Variants in TRMT2B observed in about 807,000 individuals in gnomAD.
The protein encoded by TRMT2B is tRNA (uracil-5-)-methyltransferase homolog B.
Under a neutral mutation model 39.7 loss-of-function variants are expected in TRMT2B, and 34 were observed. The ratio of observed to expected loss-of-function variants is 0.86; its 90% confidence interval spans 0.65 to 1.14. The LOEUF (loss-of-function observed/expected upper bound fraction) is 1.14, where lower values mean the gene tolerates loss of function less well. TRMT2B is among the 50% of genes most tolerant of loss of function. TRMT2B has a pLI of 0.00. For missense variants in TRMT2B, 318 were observed against 377.2 expected (o/e 0.84, Z 1.30); for synonymous variants, 132 against 137.3 (o/e 0.96, Z 0.27).
At position 101,027,236 on chromosome X, in the gene TRMT2B, C is replaced by CT. The variant is rs771559223; in HGVS notation, c.610-3621dup. On this transcript the variant is annotated intron_variant, in intron 7 of 13. Transcript: ENST00000372936. ...AGGGAAACCTTACTCCAGTTTCTTT[C>CT]TTTTTTTTTTTTTTGAGATGGAGTC... Among the ~76,000 whole-genome samples the CT allele has an allele frequency of 1.8e-3, 185 of 100,361 alleles. 2 individuals are homozygous for CT. The highest frequency in any genetic ancestry group is 5.0e-3 in the Middle Eastern group (1 of 199). 87.2% of individuals were successfully genotyped at this position (100,361 alleles called of 115,157 possible). A position where few individuals can be genotyped will look rare whatever the true frequency, so the allele number is the denominator to read the frequency against.
intron 2 of TRMT2B, 104 bp from the exon 3 acceptor site, chrX:101,042,416 G>T: frequency 1.1e-6 from 1 of 879,906 alleles, no homozygotes; most frequent in Non-Finnish European, 1.6e-6. Flanking sequence ...CTAGCAGAAT[G>T]CTGGCACACA....
At chrX:100,988,057 C>A in the TRMT2B span, 1 of 472,470 alleles carries the variant, frequency 2.1e-6, no homozygotes, top group Non-Finnish European at 3.6e-6. Context: ...GAGCAAAAGG[C>A]CTAAACATCC....
chrX:100,987,106 C>A, the TRMT2B span, among the ~76,000 whole-genome samples: 1 of 111,981 alleles, frequency 8.9e-6, no homozygotes, highest in Non-Finnish European at 1.9e-5. Context: ...ACATGAATAT[C>A]CCCATTTTAT....
chrX:101,023,563 A>G lies in TRMT2B; in HGVS notation c.663T>C (p.His221=), dbSNP rs149257116. Residue 221 remains histidine (H), a synonymous_variant, in exon 8 of 14, where the codon CAT becomes CAC. Coordinates refer to ENST00000372936, the MANE Select transcript of TRMT2B (RefSeq NM_024917.6). ...TGAGCTCACGCCAGTATCCACCTTC[A>G]TGAAATACAAGGCAGGGCTCCAATG... ...QSPLEPCLVF[H]EGGYWRELTV... is the part of the protein sequence containing the mutation. The G allele has an allele frequency of 3.8e-5, 46 of 1,209,038 alleles. No homozygotes were observed. Among genetic ancestry groups the G allele is most frequent in the Non-Finnish European group, 5.0e-5 (45 of 894,370 alleles).
At chrX:101,027,061 C>T (rs938991782) in intron 7 of TRMT2B, among the ~76,000 whole-genome samples, 1 of 110,778 alleles carries the variant, frequency 9.0e-6, no homozygotes. Flanking sequence ...CACTACTCCG[C>T]GAAAACAGTA....
At chrX:100,998,533 C>G in the TRMT2B span, among the ~76,000 whole-genome samples, 2 of 76,453 alleles carry the variant, frequency 2.6e-5, no homozygotes, top group Non-Finnish European at 4.6e-5. Context: ...CCAGCCTGGG[C>G]GACAGAGCGA....
In TRMT2B at chrX:101,035,675, C is replaced by T. The variant is rs149317180; in HGVS notation, c.547G>A (p.Val183Ile). 8 of 1,203,670 alleles carry T rather than the reference C, an allele frequency of 6.6e-6. No individual in the cohort carries two copies. The highest frequency in any genetic ancestry group is 6.6e-5 in the Admixed American group (3 of 45,644). ...FYLGTWRDGN[V>I]VCVQSNHLKN... is the part of the protein sequence containing the mutation. ...AGATGATTAGACTGCACACAGACAACGTTCCCATCTATGGAAAGAAAAATA... is the reference window on the plus strand; with the variant it reads ...AGATGATTAGACTGCACACAGACAATGTTCCCATCTATGGAAAGAAAAATA... Residue 183 changes from valine to isoleucine, a missense_variant, in exon 7 of 14, where the codon GTT becomes ATT. By Grantham distance (29) the Val-to-Ile change is conservative. Coordinates refer to ENST00000372936, the MANE Select transcript of TRMT2B (RefSeq NM_024917.6).
chrX:101,016,119 C>T (rs1295776055), intron 13 of TRMT2B, among the ~76,000 whole-genome samples: 1 of 111,518 alleles, frequency 9.0e-6, no homozygotes, highest in African/African-American at 3.3e-5. Flanking sequence ...TACAGCTCAC[C>T]CATTCATACA....
At chrX:101,020,616 A>C (rs763722513) in intron 10 of TRMT2B, 28 bp from the exon 11 acceptor site, 10 of 1,076,742 alleles carry the variant, frequency 9.3e-6, no homozygotes, top group South Asian at 5.6e-5. Flanking sequence ...AAGAAGAAGA[A>C]GGCATTTTAG....
chrX:100,975,613 A>G, the TRMT2B span, among the ~76,000 whole-genome samples: 1 of 104,788 alleles, frequency 9.5e-6, no homozygotes, highest in East Asian at 2.9e-4. Flanking sequence ...CTGAGACAAC[A>G]TGTTGCCATT....
At chrX:100,982,967 T>C in the TRMT2B span, among the ~76,000 whole-genome samples, 3 of 110,822 alleles carry the variant, frequency 2.7e-5, no homozygotes, top group Admixed American at 9.7e-5. Flanking sequence ...TGCAAATGCT[T>C]GTGTCCCAAG....
In TRMT2B at chrX:101,021,316, C is replaced by G. The variant is rs1275696768; in HGVS notation, c.852-1G>C. The G allele has an allele frequency of 1.7e-6, 2 of 1,197,733 alleles. No individual in the cohort carries two copies. The highest frequency in any genetic ancestry group is 3.5e-5 in the African/African-American group (2 of 56,968). On this transcript the variant is annotated splice_acceptor_variant, in intron 9 of 13. Coordinates refer to ENST00000372936, the MANE Select transcript of TRMT2B (RefSeq NM_024917.6). LOFTEE classifies it high-confidence loss of function. ...CTGATGGCTGCAACGGGTCATGGTA[C>G]TGGAAAGGAATAAAAGAAGAAAGCA... is the stretch of plus-strand genomic sequence containing the variant.
the TRMT2B span, among the ~76,000 whole-genome samples, chrX:101,003,162 A>C: frequency 9.4e-6 from 1 of 106,664 alleles, no homozygotes; most frequent in Non-Finnish European, 1.9e-5. Context: ...GAAATCCTCC[A>C]GCTTCAGCCT....
At chrX:101,008,863 T>TG (rs1198749512), downstream of TRMT2B, among the ~76,000 whole-genome samples, 4 of 111,298 alleles carry the variant, frequency 3.6e-5, no homozygotes, top group Non-Finnish European at 7.5e-5. Context: ...TAGCCAATCC[T>TG]AAACTGTTCA....
the TRMT2B span, among the ~76,000 whole-genome samples, chrX:100,987,711 C>CCAA: frequency 9.0e-6 from 1 of 111,678 alleles, no homozygotes; most frequent in African/African-American, 3.3e-5. Flanking sequence ...GCAGTGCCCA[C>CCAA]CAACACTCCA....
chrX:101,031,450 G>A (rs1027746714), intron 7 of TRMT2B, among the ~76,000 whole-genome samples: 1 of 112,344 alleles, frequency 8.9e-6, no homozygotes, highest in Non-Finnish European at 1.9e-5. Flanking sequence ...GCTCACGCCT[G>A]TAATGCTAAC....
chrX:101,022,091 G>A (rs1467700920), intron 8 of TRMT2B, 29 bp from the exon 9 acceptor site: 8 of 1,112,880 alleles, frequency 7.2e-6, no homozygotes, highest in Non-Finnish European at 9.9e-6. Context: ...TAGCAGTTAA[G>A]CAAAGACTCA....
At chrX:101,011,193 A>G in intron 13 of TRMT2B, among the ~76,000 whole-genome samples, 1 of 111,844 alleles carries the variant, frequency 8.9e-6, no homozygotes, top group African/African-American at 3.2e-5. Flanking sequence ...CACTGTGTGA[A>G]CATAATAGAG....
At chrX:101,004,796 C>T (rs938929248), downstream of TRMT2B, among the ~76,000 whole-genome samples, 1 of 111,186 alleles carries the variant, frequency 9.0e-6, no homozygotes, top group Non-Finnish European at 1.9e-5. Context: ...CAACCGTGCC[C>T]GGCCATCAAA....
Sources: gnomAD v4.1 joint callset for allele counts (sites outside exome capture counted in the v4.1 genomes callset) on GRCh38, gnomAD v4.1.1 for gene constraint, MANE v1.5 for transcripts, NCBI Gene and HGNC (gene_info 2026-07-23, HGNC 2026-07-21) for gene names.